TGFBR3: variants seen among roughly 807,000 people sequenced by gnomAD.
The protein encoded by TGFBR3 is transforming growth factor beta receptor type 3.
A neutral mutation model predicts 87.9 loss-of-function variants in TGFBR3; 46 were observed. That is an observed-to-expected ratio of 0.52 (90% CI 0.41 to 0.67). The LOEUF (loss-of-function observed/expected upper bound fraction) is 0.67. Among genes scored for constraint, TGFBR3 ranks in the 30% least tolerant of loss-of-function variants. The probability of loss-of-function intolerance (pLI) is 0.00; values close to 1 mark genes in which losing one functional copy is unlikely to be tolerated. For missense variants in TGFBR3, 866 were observed against 1,041.9 expected (o/e 0.83, Z 2.32); for synonymous variants, 381 against 391.6 (o/e 0.97, Z 0.32).
intron 12 of TGFBR3, among the ~76,000 whole-genome samples, chr1:91,713,092 GC>G (rs1672040687): frequency 6.6e-6 from 1 of 152,218 alleles, no homozygotes; most frequent in African/African-American, 2.4e-5. Context: ...GCTGGCTCCG[GC>G]GCTGGGTGTC....
intron 5 of TGFBR3, among the ~76,000 whole-genome samples, chr1:91,730,433 A>G (rs1302920161): frequency 6.6e-6 from 1 of 151,744 alleles, no homozygotes; most frequent in Non-Finnish European, 1.5e-5. Context: ...TCCTTCCTCA[A>G]TCCCCTTTCT....
chr1:91,853,259 C>CG (rs1355596161), intron 2 of TGFBR3, among the ~76,000 whole-genome samples: 1 of 76,608 alleles, frequency 1.3e-5, no homozygotes, highest in African/African-American at 4.4e-5. Context: ...TGAGGGTTGG[C>CG]AAAAAAAAAA....
In TGFBR3 at chr1:91,683,024, T is replaced by G. The variant is rs1001813427; in HGVS notation, c.*715A>C. 1 of 454,498 alleles carries G rather than the reference T, an allele frequency of 2.2e-6. No individual in the cohort carries two copies. The highest frequency in any genetic ancestry group is 2.0e-5 in the African/African-American group (1 of 50,110). The allele number at this position is 454,498 out of a possible 1,614,324, so 28.2% of individuals were successfully genotyped here. A position where few individuals can be genotyped will look rare whatever the true frequency, so the allele number is the denominator to read the frequency against. On this transcript the variant is annotated 3_prime_UTR_variant, in exon 17 of 17. Coordinates refer to ENST00000212355, the MANE Select transcript of TGFBR3 (RefSeq NM_003243.5). The stretch of plus-strand genomic sequence containing the variant: ...CCTGTAAGAAATACAAAATTTGCAT[T>G]AAGACATTTTGCAGTGGTGTATGCA...
chr1:91,776,823 G>C (rs890071032), intron 3 of TGFBR3, among the ~76,000 whole-genome samples: 1 of 152,176 alleles, frequency 6.6e-6, no homozygotes, highest in African/African-American at 2.4e-5. Flanking sequence ...GCTCATTAAA[G>C]ACGAGGGCCG....
At chr1:91,749,027 C>T (rs1253425589) in intron 4 of TGFBR3, among the ~76,000 whole-genome samples, 1 of 152,118 alleles carries the variant, frequency 6.6e-6, no homozygotes, top group East Asian at 1.9e-4. Context: ...TGAGATTTGT[C>T]TGACAGATGC....
intron 2 of TGFBR3, among the ~76,000 whole-genome samples, chr1:91,844,298 A>G (rs1677396298): frequency 6.6e-6 from 1 of 152,222 alleles, no homozygotes; most frequent in East Asian, 1.9e-4. Flanking sequence ...ATCAGTTTTC[A>G]TCATTATTAA....
chr1:91,705,092 T>C (rs183270316), intron 14 of TGFBR3, among the ~76,000 whole-genome samples: 297 of 152,320 alleles, frequency 1.9e-3, no homozygotes, highest in Non-Finnish European at 3.2e-3. Context: ...TCCCATTGGT[T>C]AGGAAATTTT....
chr1:91,869,007 C>T (rs1021128534), intron 1 of TGFBR3, among the ~76,000 whole-genome samples: 1 of 152,180 alleles, frequency 6.6e-6, no homozygotes, highest in Non-Finnish European at 1.5e-5. Flanking sequence ...AGTGTCAATT[C>T]AGTCCCACAA....
intron 8 of TGFBR3, 117 bp downstream of exon 8, chr1:91,721,838 A>G: frequency 1.0e-6 from 1 of 972,748 alleles, no homozygotes; most frequent in Non-Finnish European, 1.5e-6. Flanking sequence ...AAAGTAGTCA[A>G]ATTATTAAAA....
At chr1:91,694,379 G>A (rs1398945910) in intron 16 of TGFBR3, among the ~76,000 whole-genome samples, 2 of 152,180 alleles carry the variant, frequency 1.3e-5, no homozygotes, top group Non-Finnish European at 2.9e-5. Flanking sequence ...CTACATTTTT[G>A]CCAAGAGGTT....
chr1:91,894,589 A>G (rs1344741660), intron 2 of TGFBR3, among the ~76,000 whole-genome samples: 1 of 152,212 alleles, frequency 6.6e-6, no homozygotes, highest in Non-Finnish European at 1.5e-5. Context: ...TAGTTTACGC[A>G]AGAGATTACT....
rs1051422162 is a variant in TGFBR3 at position 91,708,553 on chromosome 1, T to A, written c.2287+110A>T. On this transcript the variant is annotated intron_variant, in intron 14 of 16. Transcript: ENST00000212355. ...AAAATGGTCTTCTAAAGTAACTAACTGGCCCTTTAGTTATCTTGTGAATAA... is the reference window on the plus strand; with the variant it reads ...AAAATGGTCTTCTAAAGTAACTAACAGGCCCTTTAGTTATCTTGTGAATAA... 16 of 1,546,376 alleles carry A rather than the reference T, an allele frequency of 1.0e-5. No individual in the cohort carries two copies. The African/African-American group carries it at 1.6e-4, about 16-fold the overall frequency.
chr1:91,724,906 A>G (rs967823655), intron 7 of TGFBR3, among the ~76,000 whole-genome samples: 3 of 152,188 alleles, frequency 2.0e-5, no homozygotes, highest in Non-Finnish European at 4.4e-5. Flanking sequence ...ATGGCCAGAG[A>G]GCGTAGTGCA....
intron 2 of TGFBR3, among the ~76,000 whole-genome samples, chr1:91,860,901 C>T (rs987066606): frequency 2.4e-5 from 3 of 123,150 alleles, no homozygotes; most frequent in African/African-American, 9.3e-5. Flanking sequence ...CATTGCACTC[C>T]AGCCTGGGTG....
chr1:91,731,793 A>G (rs1672783721), intron 5 of TGFBR3, among the ~76,000 whole-genome samples: 1 of 152,208 alleles, frequency 6.6e-6, no homozygotes, highest in African/African-American at 2.4e-5. Flanking sequence ...ATTAACAAAC[A>G]ATGATGTGAG....
rs77725747 is a variant in TGFBR3 at position 91,844,217 on chromosome 1, C to A, written c.61+17254G>T. 2.4e-3 allele frequency among the ~76,000 whole-genome samples: 368 copies of A among 152,288 alleles called. 1 individual carries two copies. Among genetic ancestry groups the A allele is most frequent in the Non-Finnish European group, 4.5e-3 (303 of 68,028 alleles). ...CAACTTAGAGCAAAGGCAGCCAGGC[C>A]GATAACTCACTTTAGCAATAGCCTT... On this transcript the variant is annotated intron_variant, in intron 2 of 16. Coordinates refer to ENST00000212355, the MANE Select transcript of TGFBR3 (RefSeq NM_003243.5).
intron 2 of TGFBR3, among the ~76,000 whole-genome samples, chr1:91,846,321 C>A (rs1179873559): frequency 1.3e-5 from 2 of 152,208 alleles, no homozygotes; most frequent in Admixed American, 6.5e-5. Context: ...ATTAATGGAA[C>A]ACTGCCAGAC....
upstream of TGFBR3, among the ~76,000 whole-genome samples, chr1:91,887,692 A>G (rs1031457358): frequency 6.6e-6 from 1 of 152,188 alleles, no homozygotes; most frequent in African/African-American, 2.4e-5. Flanking sequence ...TAGGCAGAGA[A>G]TCCACCCAAT....
intron 4 of TGFBR3, among the ~76,000 whole-genome samples, chr1:91,743,229 C>T (rs1292235963): frequency 6.6e-6 from 1 of 152,112 alleles, no homozygotes; most frequent in Non-Finnish European, 1.5e-5. Flanking sequence ...CTCTCTGGGC[C>T]TCCCCAACGT....
Sources: gnomAD v4.1 joint callset for allele counts (sites outside exome capture counted in the v4.1 genomes callset) on GRCh38, gnomAD v4.1.1 for gene constraint, MANE v1.5 for transcripts, NCBI Gene and HGNC (gene_info 2026-07-23, HGNC 2026-07-21) for gene names.